CENPW: variants seen among roughly 807,000 people sequenced by gnomAD.
CENPW encodes cancer-up-regulated gene 2 protein.
In CENPW, 3 loss-of-function variants were observed where a neutral mutation model predicts 11.1. The observed-to-expected ratio is 0.27, with a 90% CI of 0.12 to 0.70. The LOEUF (loss-of-function observed/expected upper bound fraction) is 0.70, where lower values mean the gene tolerates loss of function less well. Among genes scored for constraint, CENPW ranks in the 30% least tolerant of loss-of-function variants. The pLI is 0.77. For synonymous variants in CENPW, 38 were observed against 42.0 expected (o/e 0.91, Z 0.37); for missense variants, 100 against 105.6 (o/e 0.95, Z 0.23).
chr6:126,422,740 T>C, the CENPW span, among the ~76,000 whole-genome samples: 1 of 152,156 alleles, frequency 6.6e-6, no homozygotes, highest in Non-Finnish European at 1.5e-5. Flanking sequence ...GGGACTATTA[T>C]ATAAGACTTC....
the CENPW span, among the ~76,000 whole-genome samples, chr6:126,398,412 C>CA: frequency 6.6e-6 from 1 of 152,060 alleles, no homozygotes; most frequent in African/African-American, 2.4e-5. Flanking sequence ...CCTTGGTATC[C>CA]ATGAGGAGTT....
chr6:126,386,758 C>T, the CENPW span, among the ~76,000 whole-genome samples: 9 of 151,832 alleles, frequency 5.9e-5, no homozygotes, highest in African/African-American at 2.2e-4. Flanking sequence ...GCACTAGGGG[C>T]ACAAAGATGA....
the CENPW span, among the ~76,000 whole-genome samples, chr6:126,477,023 T>C: frequency 2.9e-4 from 44 of 151,938 alleles, no homozygotes; most frequent in African/African-American, 1.1e-3. Flanking sequence ...CAAATCTAAG[T>C]TTATTAGAGA....
At chr6:126,470,787 T>C in the CENPW span, among the ~76,000 whole-genome samples, 1 of 152,226 alleles carries the variant, frequency 6.6e-6, no homozygotes, top group Non-Finnish European at 1.5e-5. Context: ...AAGGAGATTA[T>C]TTTGGAGCTT....
the CENPW span, among the ~76,000 whole-genome samples, chr6:126,354,791 A>T: frequency 6.6e-6 from 1 of 152,154 alleles, no homozygotes; most frequent in East Asian, 1.9e-4. Flanking sequence ...GTTTCTGTAT[A>T]TTATCTAGCT....
chr6:126,421,697 T>A, the CENPW span, among the ~76,000 whole-genome samples: 1 of 152,018 alleles, frequency 6.6e-6, no homozygotes, highest in East Asian at 1.9e-4. Context: ...AAACCTTCAG[T>A]CTTGGGTAAA....
the CENPW span, among the ~76,000 whole-genome samples, chr6:126,401,275 G>C: frequency 1.3e-5 from 2 of 152,052 alleles, no homozygotes; most frequent in African/African-American, 4.8e-5. Flanking sequence ...AGTACAGGCT[G>C]GTTTGCCAGA....
chr6:126,370,603 A>G, the CENPW span, among the ~76,000 whole-genome samples: 9 of 152,230 alleles, frequency 5.9e-5, no homozygotes, highest in East Asian at 1.9e-4. Flanking sequence ...TGATTTGTGT[A>G]CATTAATTGT....
At chr6:126,386,766 T>C in the CENPW span, among the ~76,000 whole-genome samples, 1,639 of 152,024 alleles carry the variant, frequency 0.011, 33 homozygotes, top group African/African-American at 0.037. Flanking sequence ...GGCACAAAGA[T>C]GAATAAGACA....
chr6:126,434,561 G>A, the CENPW span, among the ~76,000 whole-genome samples: 1 of 151,946 alleles, frequency 6.6e-6, no homozygotes, highest in Non-Finnish European at 1.5e-5. Context: ...CTCTAGAAAT[G>A]AAAACACAGT....
At chr6:126,350,823 C>T (rs1210487711), downstream of CENPW, among the ~76,000 whole-genome samples, 1 of 151,472 alleles carries the variant, frequency 6.6e-6, no homozygotes, top group Non-Finnish European at 1.5e-5. Context: ...TGTAAGTATA[C>T]ATGTTTAACA....
At chr6:126,392,803 G>T in the CENPW span, among the ~76,000 whole-genome samples, 12 of 152,032 alleles carry the variant, frequency 7.9e-5, no homozygotes, top group South Asian at 2.5e-3. Context: ...GGTAATACTG[G>T]TCTCATAGAA....
chr6:126,342,868 T>G (rs1780339989), intron 1 of CENPW, among the ~76,000 whole-genome samples: 1 of 152,220 alleles, frequency 6.6e-6, no homozygotes, highest in South Asian at 2.1e-4. Context: ...TGATGTCATT[T>G]CTAGCATTTT....
the CENPW span, among the ~76,000 whole-genome samples, chr6:126,389,127 G>A: frequency 6.6e-6 from 1 of 151,700 alleles, no homozygotes; most frequent in East Asian, 1.9e-4. Flanking sequence ...TAATACCCTT[G>A]TATGCATTGG....
the CENPW span, among the ~76,000 whole-genome samples, chr6:126,408,932 A>G: frequency 1.3e-5 from 2 of 150,718 alleles, no homozygotes; most frequent in East Asian, 3.9e-4. Context: ...CATTTTCTTG[A>G]TCTTTTTTTT....
the CENPW span, among the ~76,000 whole-genome samples, chr6:126,370,904 C>T: frequency 1.5e-4 from 23 of 152,086 alleles, no homozygotes; most frequent in African/African-American, 4.3e-4. Flanking sequence ...AGGTGCCCAC[C>T]ACCACGCCTG....
At chr6:126,442,444 G>A in the CENPW span, among the ~76,000 whole-genome samples, 1 of 151,418 alleles carries the variant, frequency 6.6e-6, no homozygotes, top group Non-Finnish European at 1.5e-5. Flanking sequence ...CACAGAGTGG[G>A]AGAAAATCTT....
At chr6:126,447,127 T>G in the CENPW span, among the ~76,000 whole-genome samples, 6 of 151,226 alleles carry the variant, frequency 4.0e-5, no homozygotes, top group South Asian at 8.3e-4. Context: ...TGTGCATAGA[T>G]ATTTTCAGGA....
the CENPW span, among the ~76,000 whole-genome samples, chr6:126,462,148 CTTTT>C: frequency 6.6e-6 from 1 of 151,784 alleles, no homozygotes; most frequent in African/African-American, 2.4e-5. Flanking sequence ...GGACATCTTT[CTTTT>C]ATCTTTATTT....
Sources: allele counts gnomAD v4.1 joint callset (sites outside exome capture counted in the v4.1 genomes callset), GRCh38; gene constraint gnomAD v4.1.1; transcripts MANE v1.5; gene names NCBI Gene and HGNC (gene_info 2026-07-23, HGNC 2026-07-21).